Variants in STXBP5L observed in about 807,000 individuals in gnomAD.
The protein encoded by STXBP5L is syntaxin binding protein 5L, also known as syntaxin-binding protein 5-like.
STXBP5L carries 65 observed loss-of-function variants against 144.5 expected under a neutral mutation model. That is an observed-to-expected ratio of 0.45 (90% confidence interval 0.37 to 0.55). STXBP5L has a LOEUF of 0.55. STXBP5L is among the 20% of genes least tolerant of loss of function. The pLI, the probability that STXBP5L is intolerant of heterozygous loss-of-function variation, is 0.00. For missense variants in STXBP5L, 1,298 were observed against 1,405.5 expected (o/e 0.92, Z 1.22); for synonymous variants, 505 against 469.6 (o/e 1.08, Z -0.97).
At chr3:121,317,572 T>A (rs920609801) in intron 19 of STXBP5L, among the ~76,000 whole-genome samples, 5 of 152,210 alleles carry the variant, frequency 3.3e-5, no homozygotes, top group African/African-American at 1.2e-4. Flanking sequence ...CAAATGTTTC[T>A]GAGCATGGAG....
chr3:120,950,766 G>C (rs1370874307), intron 2 of STXBP5L, among the ~76,000 whole-genome samples: 1 of 152,062 alleles, frequency 6.6e-6, no homozygotes, highest in East Asian at 1.9e-4. Context: ...TCCCCATCAA[G>C]CTACCAATGA....
intron 5 of STXBP5L, among the ~76,000 whole-genome samples, chr3:121,077,459 A>T (rs1255374020): frequency 6.6e-6 from 1 of 152,068 alleles, no homozygotes; most frequent in Admixed American, 6.5e-5. Context: ...CTAGGAGTGA[A>T]GCTGCAGACC....
At chr3:121,001,111 T>A (rs920041053) in intron 3 of STXBP5L, among the ~76,000 whole-genome samples, 3 of 152,192 alleles carry the variant, frequency 2.0e-5, no homozygotes, top group Admixed American at 6.5e-5. Flanking sequence ...CCCACATGCA[T>A]GTGCTGGGAG....
chr3:121,007,766 T>C (rs1376741180), intron 3 of STXBP5L, among the ~76,000 whole-genome samples: 3 of 152,016 alleles, frequency 2.0e-5, no homozygotes, highest in African/African-American at 7.2e-5. Context: ...TAGTTGAAGG[T>C]TACCCTGCCT....
chr3:121,023,023 C>T (rs897801015), intron 3 of STXBP5L, among the ~76,000 whole-genome samples: 2 of 151,840 alleles, frequency 1.3e-5, no homozygotes, highest in African/African-American at 4.8e-5. Flanking sequence ...CTAAAAAGCT[C>T]CTAGAACTGG....
chr3:121,221,065 G>A (rs1324173462), intron 10 of STXBP5L, among the ~76,000 whole-genome samples: 1 of 151,850 alleles, frequency 6.6e-6, no homozygotes, highest in Non-Finnish European at 1.5e-5. Flanking sequence ...CTTCTTAGCT[G>A]TTATTTAACC....
At chr3:121,100,771 C>A (rs751681889) in intron 5 of STXBP5L, among the ~76,000 whole-genome samples, 1 of 151,596 alleles carries the variant, frequency 6.6e-6, no homozygotes. Context: ...GAAATTAAGA[C>A]CCCAAAATCC....
At chr3:121,181,935 G>T (rs1327766256) in intron 9 of STXBP5L, among the ~76,000 whole-genome samples, 1 of 145,868 alleles carries the variant, frequency 6.9e-6, no homozygotes, top group Admixed American at 6.9e-5. Context: ...AGACATTAAA[G>T]CAACAACAGT....
chr3:121,117,367 GTC>G (rs1395139294), intron 6 of STXBP5L, among the ~76,000 whole-genome samples: 1 of 151,734 alleles, frequency 6.6e-6, no homozygotes, highest in Non-Finnish European at 1.5e-5. Flanking sequence ...CTTCCTGAAT[GTC>G]TCTTGATTCA....
intron 22 of STXBP5L, among the ~76,000 whole-genome samples, chr3:121,404,410 C>A (rs1440864038): frequency 1.3e-5 from 2 of 152,282 alleles, no homozygotes; most frequent in Non-Finnish European, 2.9e-5. Flanking sequence ...ACTGCTCTCC[C>A]TGCTTCCAGC....
intron 3 of STXBP5L, among the ~76,000 whole-genome samples, chr3:121,030,956 C>T (rs536157099): frequency 6.6e-6 from 1 of 152,236 alleles, no homozygotes; most frequent in East Asian, 1.9e-4. Flanking sequence ...AGACAAGCTT[C>T]CAAGAGCAAC....
intron 10 of STXBP5L, among the ~76,000 whole-genome samples, chr3:121,211,666 C>T (rs1392593444): frequency 6.9e-6 from 1 of 145,828 alleles, no homozygotes; most frequent in African/African-American, 2.6e-5. Flanking sequence ...GCAACCTCTG[C>T]CTCCGGGGTT....
intron 5 of STXBP5L, among the ~76,000 whole-genome samples, chr3:121,095,608 A>T (rs2043077706): frequency 6.6e-6 from 1 of 152,176 alleles, no homozygotes; most frequent in Non-Finnish European, 1.5e-5. Flanking sequence ...TTCATCATAT[A>T]GTTCTCATGC....
At chr3:121,046,653 G>C (rs866684359) in intron 5 of STXBP5L, among the ~76,000 whole-genome samples, 18 of 152,116 alleles carry the variant, frequency 1.2e-4, no homozygotes, top group Non-Finnish European at 1.5e-4. Flanking sequence ...GCATAGAGGT[G>C]TTCATAGCAG....
chr3:121,110,884 C>A (rs2107812409), intron 5 of STXBP5L, among the ~76,000 whole-genome samples: 1 of 152,258 alleles, frequency 6.6e-6, no homozygotes, highest in African/African-American at 2.4e-5. Flanking sequence ...GAAGTTTGGT[C>A]TTTTTACATA....
intron 11 of STXBP5L, among the ~76,000 whole-genome samples, chr3:121,229,316 C>T (rs1330063291): frequency 2.0e-5 from 3 of 152,116 alleles, no homozygotes; most frequent in Admixed American, 6.6e-5. Flanking sequence ...CACATTTTGA[C>T]ACTCCCTTTA....
At chr3:120,979,748 T>C (rs1223755970) in intron 3 of STXBP5L, among the ~76,000 whole-genome samples, 1 of 152,206 alleles carries the variant, frequency 6.6e-6, no homozygotes, top group Non-Finnish European at 1.5e-5. Context: ...AGTTCTGCTC[T>C]GATCTTTGTT....
chr3:121,352,316 G>T (rs2045322202), intron 20 of STXBP5L, among the ~76,000 whole-genome samples: 1 of 152,146 alleles, frequency 6.6e-6, no homozygotes, highest in Non-Finnish European at 1.5e-5. Context: ...CTATCCATGA[G>T]TATGGAATGT....
At chr3:121,113,935 G>A (rs1201892692) in intron 5 of STXBP5L, among the ~76,000 whole-genome samples, 48 of 152,114 alleles carry the variant, frequency 3.2e-4, no homozygotes, top group Non-Finnish European at 1.9e-4. Flanking sequence ...GCCTCTCAAA[G>A]TGCTTGGATT....
Sources: gnomAD v4.1 joint callset for allele counts (sites outside exome capture counted in the v4.1 genomes callset) on GRCh38, gnomAD v4.1.1 for gene constraint, MANE v1.5 for transcripts, NCBI Gene and HGNC (gene_info 2026-07-23, HGNC 2026-07-21) for gene names.